Variants in CLIC2 observed in about 807,000 individuals in gnomAD.
CLIC2 encodes the protein chloride intracellular channel protein 2.
Under a neutral mutation model 14.8 loss-of-function variants are expected in CLIC2, and 9 were observed. The ratio of observed to expected loss-of-function variants is 0.61; its 90% CI spans 0.37 to 1.06. CLIC2 has a LOEUF of 1.06. Ranked by LOEUF, CLIC2 falls within the 50% of genes least tolerant of loss-of-function variation. The pLI is 0.01. For missense variants in CLIC2, 148 were observed against 181.4 expected, an observed-to-expected ratio of 0.82 and a Z score of 1.06; for synonymous variants, 61 against 66.3, an observed-to-expected ratio of 0.92 and a Z score of 0.39.
At chrX:155,292,727 G>C (rs782627807) in intron 3 of CLIC2, 1 of 404,980 alleles carries the variant, frequency 2.5e-6, no homozygotes, top group South Asian at 3.5e-5. Flanking sequence ...CCGAGATCGC[G>C]CCACTGCACT....
intron 3 of CLIC2, among the ~76,000 whole-genome samples, chrX:155,280,536 T>C (rs782481044): frequency 9.1e-6 from 1 of 110,310 alleles, no homozygotes; most frequent in Non-Finnish European, 1.9e-5. Flanking sequence ...CTACTAAAAA[T>C]ACAAACATTA....
At chrX:155,311,512 T>G (rs781961154) in intron 1 of CLIC2, among the ~76,000 whole-genome samples, 38 of 112,010 alleles carry the variant, frequency 3.4e-4, no homozygotes, top group Non-Finnish European at 5.1e-4. Context: ...TCAAAGCCAT[T>G]CAACAAGTCT....
chrX:155,317,439 C>G (rs1486946184), intron 1 of CLIC2, among the ~76,000 whole-genome samples: 1 of 111,506 alleles, frequency 9.0e-6, no homozygotes, highest in Non-Finnish European at 1.9e-5. Context: ...TCTTTACATG[C>G]ATAAACTAGA....
intron 1 of CLIC2, among the ~76,000 whole-genome samples, chrX:155,310,687 G>A (rs984650871): frequency 8.9e-6 from 1 of 112,100 alleles, no homozygotes; most frequent in Non-Finnish European, 1.9e-5. Context: ...CTGTGTGGGG[G>A]CTCCAACCCC....
chrX:155,314,897 A>G (rs1021756501), intron 1 of CLIC2, among the ~76,000 whole-genome samples: 2 of 111,582 alleles, frequency 1.8e-5, no homozygotes, highest in African/African-American at 6.5e-5. Flanking sequence ...TAGATAGCAT[A>G]AATAAAAAAC....
intron 1 of CLIC2, among the ~76,000 whole-genome samples, chrX:155,302,119 T>C (rs2075021610): frequency 9.4e-6 from 1 of 105,866 alleles, no homozygotes; most frequent in African/African-American, 3.4e-5. Flanking sequence ...GGATTCCCTC[T>C]TTTTCTATTG....
chrX:155,283,912 A>G (rs1296855477), intron 3 of CLIC2, among the ~76,000 whole-genome samples: 3 of 111,680 alleles, frequency 2.7e-5, no homozygotes, highest in African/African-American at 6.5e-5. Flanking sequence ...TTAGTCAGTT[A>G]TTGATTTTAC....
chrX:155,276,624 T>G lies in CLIC2; in HGVS notation c.*1279A>C, dbSNP rs894690413. 1.8e-5 allele frequency: 2 copies of G among 111,849 alleles called. No homozygotes were observed. Among genetic ancestry groups the G allele is most frequent in the Non-Finnish European group, 3.8e-5 (2 of 53,101 alleles). 9.2% of individuals were successfully genotyped at this position (111,849 alleles called of 1,213,427 possible). A position where few individuals can be genotyped will look rare whatever the true frequency, so the allele number is the denominator to read the frequency against. On this transcript the variant is annotated 3_prime_UTR_variant, in exon 6 of 6. Transcript: ENST00000369449. ...ATGAGTGAGATCAACTTTTTAAAAT[T>G]CCACATATGAGTGAGATCATGTGGT...
At chrX:155,279,859 GC>G (rs2124147131) in intron 4 of CLIC2, 102 bp downstream of exon 4, 1 of 550,323 alleles carries the variant, frequency 1.8e-6, no homozygotes, top group East Asian at 3.6e-5. Flanking sequence ...GGAAGACTAG[GC>G]CAGTCCCCAA....
chrX:155,325,460 G>A (rs1278573068), intron 1 of CLIC2, among the ~76,000 whole-genome samples: 6 of 110,174 alleles, frequency 5.4e-5, no homozygotes, highest in African/African-American at 2.0e-4. Flanking sequence ...CCTTTGCAGA[G>A]ACATGGATAA....
intron 1 of CLIC2, among the ~76,000 whole-genome samples, chrX:155,322,874 T>G (rs891284675): frequency 1.8e-5 from 2 of 111,700 alleles, no homozygotes; most frequent in African/African-American, 6.5e-5. Flanking sequence ...AAAGGGGATA[T>G]CACCACTCAT....
chrX:155,313,843 G>A (rs1163201740), intron 1 of CLIC2, among the ~76,000 whole-genome samples: 1 of 111,949 alleles, frequency 8.9e-6, no homozygotes, highest in African/African-American at 3.2e-5. Flanking sequence ...CTGTTGAGGG[G>A]GCACAGTGGG....
chrX:155,295,608 A>G (rs1317285541), intron 3 of CLIC2, among the ~76,000 whole-genome samples: 1 of 111,167 alleles, frequency 9.0e-6, no homozygotes, highest in African/African-American at 3.3e-5. Context: ...ATGATCTTGT[A>G]TCTAGTAAAA....
intron 1 of CLIC2, among the ~76,000 whole-genome samples, chrX:155,299,575 C>CT (rs1295360231): frequency 1.2e-4 from 13 of 105,537 alleles, no homozygotes; most frequent in South Asian, 4.2e-4. Context: ...AATTTCCTTT[C>CT]TTTTTTTTTT....
chrX:155,299,116 G>A lies in CLIC2; in HGVS notation c.87C>T (p.Asn29=). 1 of 1,207,159 alleles carries A rather than the reference G, an allele frequency of 8.3e-7. No individual in the cohort carries two copies. Among genetic ancestry groups the A allele is most frequent in the Non-Finnish European group, 1.1e-6 (1 of 891,556 alleles). Residue 29 remains asparagine (N), a synonymous_variant, in exon 2 of 6, where the codon AAC becomes AAT. Transcript: ENST00000369449. ...KAGSDGESIG[N]CPFCQRLFMI... ...TGAAAAGGCGTTGGCAAAAGGGACA[G>A]TTTCCAATACTCTCTCCATCACTTC...
At chrX:155,288,358 G>GCAAT (rs2074950504) in intron 3 of CLIC2, among the ~76,000 whole-genome samples, 1 of 111,864 alleles carries the variant, frequency 8.9e-6, no homozygotes, top group Non-Finnish European at 1.9e-5. Context: ...CTGATTTTCA[G>GCAAT]CAATCATAGG....
intron 4 of CLIC2, 45 bp from the exon 5 acceptor site, chrX:155,279,375 T>C: frequency 1.0e-6 from 1 of 976,529 alleles, no homozygotes; most frequent in Non-Finnish European, 1.5e-6. Context: ...GTATTGTCTT[T>C]TGACTAAATA....
At chrX:155,297,828 C>A in intron 3 of CLIC2, among the ~76,000 whole-genome samples, 1 of 77,786 alleles carries the variant, frequency 1.3e-5, no homozygotes, top group African/African-American at 4.6e-5. Flanking sequence ...CCACTGCCCT[C>A]CAGCCTGGGC....
chrX:155,300,332 G>C (rs1259052116), intron 1 of CLIC2, among the ~76,000 whole-genome samples: 1 of 110,229 alleles, frequency 9.1e-6, no homozygotes, highest in Admixed American at 9.6e-5. Context: ...GGCCAGTGAT[G>C]ATGAGCATTT....
Sources: gnomAD v4.1 joint callset for allele counts (sites outside exome capture counted in the v4.1 genomes callset) on GRCh38, gnomAD v4.1.1 for gene constraint, MANE v1.5 for transcripts, NCBI Gene and HGNC (gene_info 2026-07-23, HGNC 2026-07-21) for gene names.